Variants in TEAD1 observed in about 807,000 individuals in gnomAD.
TEAD1 encodes transcriptional enhancer factor TEF-1.
TEAD1 carries 9 observed loss-of-function variants against 54.9 expected under a neutral mutation model. That is an observed-to-expected ratio of 0.16 (90% CI 0.10 to 0.29). The LOEUF (loss-of-function observed/expected upper bound fraction) is 0.29, where lower values mean the gene tolerates loss of function less well. Ranked by LOEUF, TEAD1 falls within the 10% of genes least tolerant of loss-of-function variation. The probability of loss-of-function intolerance (pLI) is 1.00; values close to 1 mark genes in which losing one functional copy is unlikely to be tolerated. For synonymous variants in TEAD1, 200 were observed against 187.8 expected, an observed-to-expected ratio of 1.07 and a Z score of -0.53; for missense variants, 387 against 535.9, an observed-to-expected ratio of 0.72 and a Z score of 2.74.
intron 3 of TEAD1, among the ~76,000 whole-genome samples, chr11:12,782,489 G>A (rs1266222057): frequency 6.6e-6 from 1 of 152,182 alleles, no homozygotes; most frequent in Non-Finnish European, 1.5e-5. Context: ...GAGAAAATAG[G>A]GAGTAACTGC....
In TEAD1 at chr11:12,771,208, G is replaced by A. The variant is rs562638009; in HGVS notation, c.202+6774G>A. 4.9e-3 allele frequency among the ~76,000 whole-genome samples: 740 copies of A among 152,332 alleles called. 9 individuals are homozygous for A. The highest frequency in any genetic ancestry group is 0.016 in the African/African-American group (657 of 41,570). On this transcript the variant is annotated intron_variant, in intron 3 of 12. Coordinates refer to ENST00000527636, the MANE Select transcript of TEAD1 (RefSeq NM_021961.6). The stretch of plus-strand genomic sequence containing the variant: ...AAATATCTCCTGGGGGAGGGGTACA[G>A]GAGCCAGCATTGTGTCGTTGCGGGT...
chr11:12,737,325 A>C (rs552817887), intron 2 of TEAD1, among the ~76,000 whole-genome samples: 159 of 118,690 alleles, frequency 1.3e-3, no homozygotes, highest in African/African-American at 5.5e-3. Flanking sequence ...ATGAAAGACT[A>C]AGCAAAAAAA....
chr11:12,904,542 G>C (rs938367505), intron 10 of TEAD1, among the ~76,000 whole-genome samples: 2 of 152,170 alleles, frequency 1.3e-5, no homozygotes, highest in Non-Finnish European at 2.9e-5. Context: ...ACTACTGCTT[G>C]TTGACTTTTG....
At chr11:12,721,519 CAAAG>C (rs1400931517) in intron 2 of TEAD1, among the ~76,000 whole-genome samples, 2 of 152,156 alleles carry the variant, frequency 1.3e-5, no homozygotes, top group Non-Finnish European at 1.5e-5. Flanking sequence ...AATAAGCAAA[CAAAG>C]AAAATAAATG....
intron 3 of TEAD1, among the ~76,000 whole-genome samples, chr11:12,803,699 T>G (rs536916209): frequency 1.3e-5 from 2 of 152,218 alleles, no homozygotes; most frequent in South Asian, 4.1e-4. Flanking sequence ...CTGCATTTCC[T>G]GAATGCCTAC....
rs1376336802 is a variant in TEAD1 at position 12,938,702 on chromosome 11, T to TCGA, written c.*1481_*1482insGAC. 1 of 152,240 alleles carries TCGA rather than the reference T, an allele frequency of 6.6e-6. No homozygotes were observed. Among genetic ancestry groups the TCGA allele is most frequent in the African/African-American group, 2.4e-5 (1 of 41,446 alleles). The allele number at this position is 152,240 out of a possible 1,614,324, so 9.4% of individuals were successfully genotyped here. A position where few individuals can be genotyped will look rare whatever the true frequency, so the allele number is the denominator to read the frequency against. Reference sequence around the variant, plus strand: ...TGCCAGGAGAGATTCAACTTTCCAATCTAAGTATTCCAGAGCATTGCCCAG... The same window carrying TCGA: ...TGCCAGGAGAGATTCAACTTTCCAATCGACTAAGTATTCCAGAGCATTGCCCAG... On this transcript the variant is annotated 3_prime_UTR_variant, in exon 13 of 13. Coordinates refer to ENST00000527636, the MANE Select transcript of TEAD1 (RefSeq NM_021961.6).
At chr11:12,772,195 T>C (rs1348443909) in intron 3 of TEAD1, among the ~76,000 whole-genome samples, 1 of 152,192 alleles carries the variant, frequency 6.6e-6, no homozygotes, top group Non-Finnish European at 1.5e-5. Context: ...ACTTTCTACC[T>C]AGAGGGAACA....
intron 2 of TEAD1, among the ~76,000 whole-genome samples, chr11:12,716,906 A>G (rs1439342383): frequency 6.6e-6 from 1 of 152,214 alleles, no homozygotes; most frequent in South Asian, 2.1e-4. Flanking sequence ...CGTTCCCGAC[A>G]TAGGCGCTGA....
chr11:12,846,857 T>TTCA (rs2134044044), intron 3 of TEAD1, among the ~76,000 whole-genome samples: 1 of 152,346 alleles, frequency 6.6e-6, no homozygotes, highest in South Asian at 2.1e-4. Context: ...GCTTTCCAGG[T>TTCA]TCATTCTGTT....
At chr11:12,759,976 T>C (rs1211363400) in intron 2 of TEAD1, among the ~76,000 whole-genome samples, 3 of 152,246 alleles carry the variant, frequency 2.0e-5, no homozygotes, top group Non-Finnish European at 4.4e-5. Context: ...ATCTGAAAGC[T>C]GTTGAACCCG....
At chr11:12,760,693 G>C (rs1054746863) in intron 2 of TEAD1, among the ~76,000 whole-genome samples, 2 of 152,164 alleles carry the variant, frequency 1.3e-5, no homozygotes, top group East Asian at 1.9e-4. Flanking sequence ...TTGCGTGACA[G>C]TTGGCCAATT....
intron 2 of TEAD1, among the ~76,000 whole-genome samples, chr11:12,675,997 A>C (rs1377350121): frequency 6.6e-6 from 1 of 152,234 alleles, no homozygotes; most frequent in Non-Finnish European, 1.5e-5. Context: ...TGTGATTTGC[A>C]GAAATGAAAA....
At chr11:12,894,218 C>T (rs1948259929) in intron 9 of TEAD1, among the ~76,000 whole-genome samples, 1 of 152,124 alleles carries the variant, frequency 6.6e-6, no homozygotes, top group Admixed American at 6.5e-5. Context: ...TCTTCAAATA[C>T]TTAGAATTTT....
At chr11:12,750,098 C>T (rs765118672) in intron 2 of TEAD1, among the ~76,000 whole-genome samples, 8 of 152,112 alleles carry the variant, frequency 5.3e-5, no homozygotes, top group Non-Finnish European at 7.4e-5. Flanking sequence ...ATTTGTGAAC[C>T]GGCAGTGTTG....
intron 10 of TEAD1, among the ~76,000 whole-genome samples, chr11:12,908,349 T>C (rs1440279): frequency 0.97 from 148,288 of 152,286 alleles, 72,313 homozygotes; most frequent in Middle Eastern, 1. Flanking sequence ...TAATTGGTCA[T>C]TCTGTTTCCC....
chr11:12,751,402 T>G (rs751484488), intron 2 of TEAD1, among the ~76,000 whole-genome samples: 21 of 152,032 alleles, frequency 1.4e-4, no homozygotes, highest in Non-Finnish European at 2.2e-4. Context: ...GGTGAGTGAG[T>G]TCAGTTCATT....
At chr11:12,792,168 A>G (rs2133962861) in intron 3 of TEAD1, among the ~76,000 whole-genome samples, 1 of 152,250 alleles carries the variant, frequency 6.6e-6, no homozygotes, top group Non-Finnish European at 1.5e-5. Flanking sequence ...GTACCAAAAT[A>G]AGACAAAAAT....
intron 11 of TEAD1, among the ~76,000 whole-genome samples, chr11:12,929,204 G>GTGTGT (rs746048067): frequency 0.048 from 6,700 of 139,054 alleles, 267 homozygotes; most frequent in Middle Eastern, 0.08. Flanking sequence ...GTGTGTGTCT[G>GTGTGT]CTTTAGGGTT....
chr11:12,872,426 A>AG (rs1472496464), intron 5 of TEAD1, among the ~76,000 whole-genome samples: 1 of 152,204 alleles, frequency 6.6e-6, no homozygotes, highest in African/African-American at 2.4e-5. Flanking sequence ...CCCAATCTTC[A>AG]GGGGGAGTTC....
Sources: allele counts gnomAD v4.1 joint callset (sites outside exome capture counted in the v4.1 genomes callset), GRCh38; gene constraint gnomAD v4.1.1; transcripts MANE v1.5; gene names NCBI Gene and HGNC (gene_info 2026-07-23, HGNC 2026-07-21).